The following PPM1L variants were observed in gnomAD, a reference collection of about 807,000 sequenced individuals.
PPM1L encodes the protein protein phosphatase 1L.
PPM1L carries 13 observed loss-of-function variants against 31.4 expected under a neutral mutation model. The observed-to-expected ratio is 0.41, with a 90% CI of 0.27 to 0.66. The LOEUF is 0.66. PPM1L is among the 30% of genes least tolerant of loss of function. The probability of loss-of-function intolerance (pLI) is 0.29; values close to 1 mark genes in which losing one functional copy is unlikely to be tolerated. For missense variants in PPM1L, 326 were observed against 453.7 expected, an observed-to-expected ratio of 0.72 and a Z score of 2.56; for synonymous variants, 184 against 175.4, an observed-to-expected ratio of 1.05 and a Z score of -0.39.
chr3:161,056,392 T>C lies in PPM1L; in HGVS notation c.575-9011T>C, dbSNP rs1013956522. Among the ~76,000 whole-genome samples, 4 of 152,216 alleles carry C rather than the reference T, an allele frequency of 2.6e-5. 1 individual carries two copies. The highest frequency in any genetic ancestry group is 7.2e-5 in the African/African-American group (3 of 41,460). On this transcript the variant is annotated intron_variant, in intron 2 of 3. Transcript: ENST00000498165. ...CTCTCTGTAACGGGATTGTAAGTTC[T>C]ATATTTTGTTTTATATCTTGTATAC...
At position 160,835,086 on chromosome 3, in the gene PPM1L, T is replaced by TTTC. The variant is rs1553810712; in HGVS notation, c.399+78382_399+78384dup. The stretch of plus-strand genomic sequence containing the variant: ...CTTCTTCTTCTTCTTCTTCTTCTTC[T>TTTC]TTCTTTTTTCTTTCTTCTTTCTTCC... On this transcript the variant is annotated intron_variant, in intron 1 of 3. Transcript: ENST00000498165. Among the ~76,000 whole-genome samples, 319 of 106,262 alleles carry TTTC rather than the reference T, an allele frequency of 3.0e-3. 4 individuals are homozygous for TTTC. Among genetic ancestry groups the TTTC allele is most frequent in the African/African-American group, 0.011 (293 of 26,582 alleles). 69.7% of individuals were successfully genotyped at this position (106,262 alleles called of 152,430 possible).
chr3:161,010,045 G>A (rs906956609), intron 2 of PPM1L, among the ~76,000 whole-genome samples: 1 of 152,012 alleles, frequency 6.6e-6, no homozygotes, highest in African/African-American at 2.4e-5. Context: ...GGGTACATGT[G>A]CACAATGTGC....
At chr3:161,004,507 A>C (rs1228300966) in intron 2 of PPM1L, among the ~76,000 whole-genome samples, 1 of 140,488 alleles carries the variant, frequency 7.1e-6, no homozygotes, top group African/African-American at 2.7e-5. Flanking sequence ...GATTATTGCC[A>C]CAATTTCAGG....
At chr3:160,841,861 A>G (rs1033085760) in intron 1 of PPM1L, among the ~76,000 whole-genome samples, 2 of 152,196 alleles carry the variant, frequency 1.3e-5, no homozygotes, top group Non-Finnish European at 2.9e-5. Context: ...TTGATGACAT[A>G]TATTCCTCCT....
At chr3:161,001,925 G>A (rs1717496579) in intron 2 of PPM1L, among the ~76,000 whole-genome samples, 1 of 151,954 alleles carries the variant, frequency 6.6e-6, no homozygotes, top group Non-Finnish European at 1.5e-5. Context: ...ACATGCTGGT[G>A]CGCTGCACCC....
chr3:160,842,233 G>C (rs1713904885), intron 1 of PPM1L: 4 of 702,054 alleles, frequency 5.7e-6, no homozygotes, highest in Non-Finnish European at 1.0e-5. Context: ...AAGAGGGTAG[G>C]AGGGATGCTG....
chr3:161,034,002 A>G (rs1406291176), intron 2 of PPM1L, among the ~76,000 whole-genome samples: 1 of 152,202 alleles, frequency 6.6e-6, no homozygotes, highest in Admixed American at 6.5e-5. Context: ...ACAAGAAAAA[A>G]GCAAACAACC....
At chr3:161,047,987 G>A (rs938881962) in intron 2 of PPM1L, among the ~76,000 whole-genome samples, 152 of 152,270 alleles carry the variant, frequency 1.0e-3, no homozygotes, top group Admixed American at 1.6e-3. Context: ...AAAAACCCTA[G>A]AAGAAAACCT....
At position 160,836,180 on chromosome 3, in the gene PPM1L, GA is replaced by G. The variant is rs1713708668; in HGVS notation, c.399+79475del. On this transcript the variant is annotated intron_variant, in intron 1 of 3. Transcript: ENST00000498165. ...TGAAGGCTTCTGGAAGTATTTTTAA[GA>G]AGTAGGAAGCTGCTCTTGAATTTAT... Among the ~76,000 whole-genome samples the G allele has an allele frequency of 2.0e-5, 3 of 152,296 alleles. No homozygotes were observed. In the South Asian group the frequency reaches 6.2e-4, roughly 32 times the overall value.
At chr3:160,926,960 T>G (rs140900817) in intron 1 of PPM1L, among the ~76,000 whole-genome samples, 1 of 152,252 alleles carries the variant, frequency 6.6e-6, no homozygotes, top group African/African-American at 2.4e-5. Flanking sequence ...TAAATAATCA[T>G]TGATCCTCAG....
intron 2 of PPM1L, among the ~76,000 whole-genome samples, chr3:161,017,730 T>G (rs564092232): frequency 6.6e-6 from 1 of 152,136 alleles, no homozygotes; most frequent in Non-Finnish European, 1.5e-5. Flanking sequence ...TAAGAATAAA[T>G]CTATTTGACA....
At chr3:161,007,092 A>G (rs1430597806) in intron 2 of PPM1L, among the ~76,000 whole-genome samples, 1 of 152,226 alleles carries the variant, frequency 6.6e-6, no homozygotes, top group African/African-American at 2.4e-5. Context: ...ACTGTGTGCT[A>G]GATCCTGTTC....
intron 1 of PPM1L, among the ~76,000 whole-genome samples, chr3:160,896,964 A>G (rs1713353637): frequency 1.3e-5 from 2 of 151,310 alleles, no homozygotes; most frequent in African/African-American, 4.9e-5. Context: ...CTTTCCTTTG[A>G]CTGTTAACAC....
chr3:160,804,221 C>G (rs1047297229), intron 1 of PPM1L, among the ~76,000 whole-genome samples: 6 of 152,136 alleles, frequency 3.9e-5, no homozygotes, highest in African/African-American at 1.4e-4. Flanking sequence ...CGTGAGCCAC[C>G]ATGCCCGGCT....
At chr3:161,017,415 TCAGTAG>T (rs1298081214) in intron 2 of PPM1L, among the ~76,000 whole-genome samples, 2 of 152,174 alleles carry the variant, frequency 1.3e-5, no homozygotes, top group African/African-American at 4.8e-5. Flanking sequence ...GATTGGCTCT[TCAGTAG>T]CATTTTCATT....
intron 1 of PPM1L, among the ~76,000 whole-genome samples, chr3:160,763,329 C>G (rs539124909): frequency 1.2e-4 from 19 of 152,272 alleles, no homozygotes; most frequent in African/African-American, 4.6e-4. Flanking sequence ...ATGGGAAACA[C>G]AGAGTTATGG....
chr3:160,945,527 A>C (rs1181786215), intron 1 of PPM1L, among the ~76,000 whole-genome samples: 1 of 152,120 alleles, frequency 6.6e-6, no homozygotes, highest in Non-Finnish European at 1.5e-5. Context: ...TCATTAGTTA[A>C]TGGCTGCCAT....
chr3:161,030,971 G>A (rs1718546982), intron 2 of PPM1L, among the ~76,000 whole-genome samples: 2 of 152,172 alleles, frequency 1.3e-5, no homozygotes, highest in African/African-American at 2.4e-5. Flanking sequence ...TTAGACAAAT[G>A]GACTTGATCT....
At chr3:160,936,727 G>A (rs1190789777) in intron 1 of PPM1L, among the ~76,000 whole-genome samples, 1 of 152,120 alleles carries the variant, frequency 6.6e-6, no homozygotes, top group African/African-American at 2.4e-5. Flanking sequence ...AATCCTACCT[G>A]ATATTATATT....
Sources: gnomAD v4.1 joint callset for allele counts (sites outside exome capture counted in the v4.1 genomes callset) on GRCh38, gnomAD v4.1.1 for gene constraint, MANE v1.5 for transcripts, NCBI Gene and HGNC (gene_info 2026-07-23, HGNC 2026-07-21) for gene names.